Variants in DIS3L2 observed in about 807,000 individuals in gnomAD.
DIS3L2 encodes DIS3-like exonuclease 2.
DIS3L2 carries 34 observed loss-of-function variants against 97.5 expected under a neutral mutation model. That is an observed-to-expected ratio of 0.35 (90% CI 0.27 to 0.46). DIS3L2 has a LOEUF of 0.46. Ranked by LOEUF, DIS3L2 falls within the 20% of genes least tolerant of loss-of-function variation. DIS3L2 has a pLI of 1.00. For synonymous variants in DIS3L2, 435 were observed against 445.2 expected, an observed-to-expected ratio of 0.98 and a Z score of 0.29; for missense variants, 1,038 against 1,146.0, an observed-to-expected ratio of 0.91 and a Z score of 1.36.
Position 232,037,154 on chromosome 2 carries a change from G to C in DIS3L2, c.366+7074G>C, listed in dbSNP as rs1694973340. Among the ~76,000 whole-genome samples, 1 of 152,194 alleles carries C rather than the reference G, an allele frequency of 6.6e-6. No individual in the cohort carries two copies. Among genetic ancestry groups the C allele is most frequent in the South Asian group, 2.1e-4 (1 of 4,826 alleles). On this transcript the variant is annotated intron_variant, in intron 5 of 20. Coordinates refer to ENST00000325385, the MANE Select transcript of DIS3L2 (RefSeq NM_152383.5). The surrounding 1 kb of genome is among the most constrained non-coding windows in gnomAD (Gnocchi z 4.6). ...CACCCACATCCGCCCCTTCCCCCAG[G>C]TGCTCTGTCCCAGGGAGATGGGAGT...
At chr2:232,226,465 G>T (rs1332657243) in intron 10 of DIS3L2, among the ~76,000 whole-genome samples, 2 of 152,160 alleles carry the variant, frequency 1.3e-5, no homozygotes. Flanking sequence ...TAGAACTTTT[G>T]TGAAGATTAT....
intron 1 of DIS3L2, among the ~76,000 whole-genome samples, chr2:231,971,795 A>G (rs916310254): frequency 6.7e-6 from 1 of 148,362 alleles, no homozygotes; most frequent in South Asian, 2.3e-4. Context: ...TTGGCCCAGG[A>G]TGGTCTCAAA....
intron 8 of DIS3L2, among the ~76,000 whole-genome samples, chr2:232,157,571 T>G (rs1690527217): frequency 6.6e-6 from 1 of 152,228 alleles, no homozygotes; most frequent in African/African-American, 2.4e-5. Context: ...GGTGTTTACA[T>G]AAGCAATATA....
chr2:232,028,891 C>T lies in DIS3L2; in HGVS notation c.265-1088C>T, dbSNP rs182291734. 5.1e-3 allele frequency among the ~76,000 whole-genome samples: 773 copies of T among 152,210 alleles called. 22 individuals carry two copies. Among genetic ancestry groups the T allele is most frequent in the Admixed American group, 0.048 (731 of 15,270 alleles). The stretch of plus-strand genomic sequence containing the variant: ...AGAGTGTGCAAGCCACAGCTGTCAA[C>T]CCATAGCTAAACTGGAAATTGAGCA... On this transcript the variant is annotated intron_variant, in intron 4 of 20. Coordinates refer to ENST00000325385, the MANE Select transcript of DIS3L2 (RefSeq NM_152383.5).
At chr2:232,270,932 T>C (rs1235271920) in intron 13 of DIS3L2, among the ~76,000 whole-genome samples, 2 of 151,458 alleles carry the variant, frequency 1.3e-5, no homozygotes, top group African/African-American at 4.9e-5. Flanking sequence ...TCTCTCTCTC[T>C]CTCTCTCTGT....
At chr2:231,975,198 A>C (rs1240943285) in intron 1 of DIS3L2, among the ~76,000 whole-genome samples, 1 of 152,186 alleles carries the variant, frequency 6.6e-6, no homozygotes, top group East Asian at 1.9e-4. Flanking sequence ...CCAAGCTAAA[A>C]GAATGTAGGA....
At chr2:232,063,330 A>T (rs1695764993) in intron 5 of DIS3L2, among the ~76,000 whole-genome samples, 2 of 152,102 alleles carry the variant, frequency 1.3e-5, no homozygotes, top group Admixed American at 1.3e-4. Context: ...TTCTTTCTTG[A>T]TGGCTATCTT....
At position 232,269,490 on chromosome 2, in the gene DIS3L2, A is replaced by G. The variant is rs934237732; in HGVS notation, c.1659+6050A>G. 7.9e-5 allele frequency among the ~76,000 whole-genome samples: 12 copies of G among 152,202 alleles called. No individual in the cohort carries two copies. Among genetic ancestry groups the G allele is most frequent in the African/African-American group, 2.4e-4 (10 of 41,452 alleles). ...CGTAGAGCTTTTCTATAAATAATAT[A>G]GGAAAATAATGAGAGAGCCAGCAGG... is the stretch of plus-strand genomic sequence containing the variant. On this transcript the variant is annotated intron_variant, in intron 13 of 20. Transcript: ENST00000325385. The surrounding 1 kb of genome is among the most constrained non-coding windows in gnomAD (Gnocchi z 4.5).
intron 9 of DIS3L2, among the ~76,000 whole-genome samples, chr2:232,169,527 A>C (rs1690923405): frequency 6.6e-6 from 1 of 152,186 alleles, no homozygotes; most frequent in South Asian, 2.1e-4. Flanking sequence ...ATGAGGTGAG[A>C]TCTGAGAAAT....
At chr2:232,287,697 T>G (rs1022163974) in intron 13 of DIS3L2, among the ~76,000 whole-genome samples, 4 of 152,096 alleles carry the variant, frequency 2.6e-5, no homozygotes, top group African/African-American at 9.7e-5. Flanking sequence ...CAGCCCCATT[T>G]TCCTTCTTAA....
At chr2:232,020,276 C>T (rs912395117) in intron 3 of DIS3L2, among the ~76,000 whole-genome samples, 6 of 152,088 alleles carry the variant, frequency 3.9e-5, no homozygotes, top group African/African-American at 1.4e-4. Flanking sequence ...GAACATACCT[C>T]TCTGGGAATT....
chr2:232,164,157 G>A (rs1451020860), intron 9 of DIS3L2, among the ~76,000 whole-genome samples: 1 of 152,196 alleles, frequency 6.6e-6, no homozygotes, highest in East Asian at 1.9e-4. Flanking sequence ...ATCTGGTCAA[G>A]TACAGACTGT....
chr2:232,018,950 A>G (rs990343253), intron 3 of DIS3L2, among the ~76,000 whole-genome samples: 1 of 152,104 alleles, frequency 6.6e-6, no homozygotes, highest in African/African-American at 2.4e-5. Context: ...GAGTACTGAG[A>G]GGTTGTTATA....
intron 9 of DIS3L2, among the ~76,000 whole-genome samples, chr2:232,180,048 C>G (rs1227199409): frequency 2.0e-5 from 2 of 98,566 alleles, no homozygotes; most frequent in Non-Finnish European, 3.4e-5. Context: ...ATCTTTATTT[C>G]TGCCTTCATT....
At chr2:232,053,952 A>G (rs2106267278) in intron 5 of DIS3L2, among the ~76,000 whole-genome samples, 1 of 152,220 alleles carries the variant, frequency 6.6e-6, no homozygotes, top group East Asian at 1.9e-4. Context: ...GAAAGTTCCA[A>G]CCCTCTAATC....
intron 14 of DIS3L2, among the ~76,000 whole-genome samples, chr2:232,313,320 G>T (rs1165471743): frequency 6.6e-6 from 1 of 152,160 alleles, no homozygotes; most frequent in East Asian, 1.9e-4. Context: ...TGATTTATGA[G>T]CTAGGAGCTA....
At chr2:232,241,980 T>C (rs1319428070) in intron 11 of DIS3L2, among the ~76,000 whole-genome samples, 2 of 152,228 alleles carry the variant, frequency 1.3e-5, no homozygotes, top group Non-Finnish European at 2.9e-5. Context: ...TGCTTTATAA[T>C]AGAGATCAAA....
At chr2:231,972,666 CCCG>C (rs1375884090) in intron 1 of DIS3L2, among the ~76,000 whole-genome samples, 1 of 152,188 alleles carries the variant, frequency 6.6e-6, no homozygotes, top group African/African-American at 2.4e-5. Context: ...GCCTCAGCCT[CCCG>C]AGTAGCTGGA....
chr2:232,112,737 G>A (rs554709643), intron 6 of DIS3L2, among the ~76,000 whole-genome samples: 7 of 152,252 alleles, frequency 4.6e-5, no homozygotes, highest in Admixed American at 1.3e-4. Context: ...GTAGACAGTG[G>A]CATGTAGACA....
Sources: gnomAD v4.1 joint callset for allele counts (sites outside exome capture counted in the v4.1 genomes callset) on GRCh38, gnomAD v4.1.1 for gene constraint, Gnocchi (gnomAD v3.1) non-coding constraint, MANE v1.5 for transcripts, NCBI Gene and HGNC (gene_info 2026-07-23, HGNC 2026-07-21) for gene names.